Variants in MYLK4 observed in about 807,000 individuals in gnomAD.
The protein encoded by MYLK4 is caMLCK like.
In MYLK4, 46 loss-of-function variants were observed where a neutral mutation model predicts 48.1. The ratio of observed to expected loss-of-function variants is 0.96; its 90% CI spans 0.75 to 1.22. MYLK4 has a LOEUF of 1.22. Ranked by LOEUF, MYLK4 falls within the 50% of genes most tolerant of loss-of-function variation. The pLI is 0.00. For missense variants in MYLK4, 451 were observed against 486.1 expected (o/e 0.93, Z 0.68); for synonymous variants, 170 against 180.8 (o/e 0.94, Z 0.48).
At chr6:2,760,828 G>T in the MYLK4 span, among the ~76,000 whole-genome samples, 2 of 152,184 alleles carry the variant, frequency 1.3e-5, no homozygotes, top group African/African-American at 4.8e-5. Flanking sequence ...TATAAAATGT[G>T]TTAGAATAAA....
At chr6:2,717,264 A>C (rs1561861743) in intron 2 of MYLK4, among the ~76,000 whole-genome samples, 1 of 152,240 alleles carries the variant, frequency 6.6e-6, no homozygotes. Context: ...TCACTTGTTA[A>C]ATTTCCTTTT....
intron 2 of MYLK4, among the ~76,000 whole-genome samples, chr6:2,710,293 A>T (rs927715): frequency 6.6e-6 from 1 of 152,038 alleles, no homozygotes; most frequent in African/African-American, 2.4e-5. Flanking sequence ...AGATTGAAAT[A>T]GGCCCAGTTG....
intron 2 of MYLK4, among the ~76,000 whole-genome samples, chr6:2,700,683 GGGGCATCCTGGGA>G (rs985555028): frequency 2.0e-5 from 3 of 152,076 alleles, no homozygotes; most frequent in African/African-American, 7.2e-5. Context: ...AATGATCTAT[GGGGCATCCTGGGA>G]GGGCAACAAA....
intron 2 of MYLK4, among the ~76,000 whole-genome samples, chr6:2,728,868 G>A (rs1346549237): frequency 6.6e-6 from 1 of 152,198 alleles, no homozygotes; most frequent in African/African-American, 2.4e-5. Flanking sequence ...TATCTCTGCT[G>A]CTGACCTCAG....
intron 6 of MYLK4, 126 bp from the exon 7 acceptor site, chr6:2,683,288 G>T (rs12530189): frequency 0.29 from 276,617 of 968,574 alleles, 42,607 homozygotes; most frequent in East Asian, 0.43. Flanking sequence ...TTATTTCTCT[G>T]CCTTCTTTAC....
At chr6:2,709,355 C>T (rs1207164909) in intron 2 of MYLK4, among the ~76,000 whole-genome samples, 1 of 152,232 alleles carries the variant, frequency 6.6e-6, no homozygotes, top group Non-Finnish European at 1.5e-5. Context: ...GTTTCAGTTT[C>T]TGTCAGTGGT....
At chr6:2,731,220 G>T (rs9405582) in intron 2 of MYLK4, among the ~76,000 whole-genome samples, 65,727 of 151,844 alleles carry the variant, frequency 0.43, 14,864 homozygotes, top group East Asian at 0.55. Context: ...TCCCAGGAAT[G>T]AATCCTGGAA....
At chr6:2,716,768 C>T (rs942521831) in intron 2 of MYLK4, among the ~76,000 whole-genome samples, 2 of 152,190 alleles carry the variant, frequency 1.3e-5, no homozygotes, top group Admixed American at 1.3e-4. Flanking sequence ...TTCTGTACCT[C>T]AATTTTCACC....
chr6:2,673,224 C>A lies in MYLK4; in HGVS notation c.1119+1823G>T, dbSNP rs1760969212. ...CCAATAAGCTTGGATAAAAATACAT[C>A]GGTGGAAAATTGGCTCAAAATAGGT... On this transcript the variant is annotated intron_variant, in intron 11 of 12. Coordinates refer to ENST00000274643, the MANE Select transcript of MYLK4 (RefSeq NM_001012418.5). The surrounding 1 kb of genome is among the most constrained non-coding windows in gnomAD (Gnocchi z 4.2). 6.6e-6 allele frequency among the ~76,000 whole-genome samples: 1 copy of A among 152,150 alleles called. No individual in the cohort carries two copies. Among genetic ancestry groups the A allele is most frequent in the Non-Finnish European group, 1.5e-5 (1 of 68,036 alleles).
In MYLK4 at chr6:2,666,384, G is replaced by C. The variant is rs1420309991; in HGVS notation, c.*1541C>G. ...ATCTCTACTAAAAATGCAAAAATCA[G>C]CCGTGCGTGGTGGCGTGCGCCTGTA... On this transcript the variant is annotated 3_prime_UTR_variant, in exon 13 of 13. Coordinates refer to ENST00000274643, the MANE Select transcript of MYLK4 (RefSeq NM_001012418.5). The C allele has an allele frequency of 2.0e-5, 3 of 152,184 alleles. No homozygotes were observed. The highest frequency in any genetic ancestry group is 7.2e-5 in the African/African-American group (3 of 41,434). The allele number at this position is 152,184 out of a possible 1,614,324, so 9.4% of individuals were successfully genotyped here.
chr6:2,720,011 T>C (rs1763011551), intron 2 of MYLK4, among the ~76,000 whole-genome samples: 1 of 151,948 alleles, frequency 6.6e-6, no homozygotes, highest in South Asian at 2.1e-4. Flanking sequence ...CCAGAGATTA[T>C]AATTTAATTT....
intron 7 of MYLK4, among the ~76,000 whole-genome samples, chr6:2,681,912 T>C (rs1761319850): frequency 6.6e-6 from 1 of 152,232 alleles, no homozygotes; most frequent in Admixed American, 6.5e-5. Context: ...AATATCTACA[T>C]TCAATGAAAA....
Position 2,685,159 on chromosome 6 carries a change from G to T in MYLK4, c.545+137C>A. 1 of 649,812 alleles carries T rather than the reference G, an allele frequency of 1.5e-6. No homozygotes were observed. The highest frequency in any genetic ancestry group is 2.8e-6 in the Non-Finnish European group (1 of 355,822). 40.3% of individuals were successfully genotyped at this position (649,812 alleles called of 1,614,324 possible). On this transcript the variant is annotated intron_variant, in intron 6 of 12. Coordinates refer to ENST00000274643, the MANE Select transcript of MYLK4 (RefSeq NM_001012418.5). The surrounding 1 kb of genome is among the most constrained non-coding windows in gnomAD (Gnocchi z 4.5). ...TTTCCCTTCTAGAACTGATGTGATT[G>T]TGTGATCCGCGCGAATCAGAGTCTG...
chr6:2,742,766 C>G (rs1014739880), intron 2 of MYLK4, among the ~76,000 whole-genome samples: 8 of 147,414 alleles, frequency 5.4e-5, no homozygotes, highest in African/African-American at 7.5e-5. Context: ...ATACCTAATG[C>G]TAAATGACGA....
intron 3 of MYLK4, 86 bp from the exon 4 acceptor site, chr6:2,689,042 T>A: frequency 1.0e-6 from 1 of 991,140 alleles, no homozygotes; most frequent in Non-Finnish European, 1.6e-6. Flanking sequence ...AGTAAAAATG[T>A]GCTCATTTAA....
At position 2,678,346 on chromosome 6, in the gene MYLK4, C is replaced by T. The variant is rs1761161690; in HGVS notation, c.914G>A (p.Gly305Asp). The T allele has an allele frequency of 6.2e-6, 10 of 1,614,010 alleles. No homozygotes were observed. The highest frequency in any genetic ancestry group is 7.6e-6 in the Non-Finnish European group (9 of 1,180,012). ...GTTCAGCGTCTCAGCATCATTGTCA[C>T]CCAGGAAAGGCGACAAACCGCTAAG... ...MLLSGLSPFL[G>D]DNDAETLNNI... The change falls in exon 10 of 13, where the codon GGT becomes GAT. Residue 305 changes from glycine (G) to aspartate (D), a missense_variant. Coordinates refer to ENST00000274643, the MANE Select transcript of MYLK4 (RefSeq NM_001012418.5).
upstream of MYLK4, among the ~76,000 whole-genome samples, chr6:2,753,345 G>A (rs1230670890): frequency 6.6e-6 from 1 of 152,182 alleles, no homozygotes; most frequent in East Asian, 1.9e-4. Flanking sequence ...CGTTCTGAAT[G>A]TTTCCAGAAC....
In MYLK4 at chr6:2,725,750, G is replaced by C. The variant is rs570440735; in HGVS notation, c.159+23386C>G. Among the ~76,000 whole-genome samples, 28 of 152,314 alleles carry C rather than the reference G, an allele frequency of 1.8e-4. No homozygotes were observed. In the East Asian group the frequency reaches 2.5e-3, roughly 14 times the overall value. On this transcript the variant is annotated intron_variant, in intron 2 of 12. Coordinates refer to ENST00000274643, the MANE Select transcript of MYLK4 (RefSeq NM_001012418.5). ...ACTATCGATAGGCAGAGCACTTCTT[G>C]AAATAACCTCATGTGTTCTGGGAGA...
the MYLK4 span, among the ~76,000 whole-genome samples, chr6:2,769,301 C>CT: frequency 3.5e-3 from 532 of 152,162 alleles, 2 homozygotes; most frequent in African/African-American, 0.011. Flanking sequence ...ACTCCAGGCT[C>CT]TGTCTTCAAG....
Sources: gnomAD v4.1 joint callset for allele counts (sites outside exome capture counted in the v4.1 genomes callset) on GRCh38, gnomAD v4.1.1 for gene constraint, Gnocchi (gnomAD v3.1) non-coding constraint, MANE v1.5 for transcripts, NCBI Gene and HGNC (gene_info 2026-07-23, HGNC 2026-07-21) for gene names.